The following DOCK2 variants were observed in gnomAD, a reference collection of about 807,000 sequenced individuals.
DOCK2 encodes the protein dedicator of cytokinesis 2, also known as dedicator of cytokinesis protein 2.
Under a neutral mutation model 248.9 loss-of-function variants are expected in DOCK2, and 87 were observed. The observed-to-expected ratio is 0.35, with a 90% confidence interval of 0.29 to 0.42. The LOEUF is 0.42. Ranked by LOEUF, DOCK2 falls within the 10% of genes least tolerant of loss-of-function variation. The probability of loss-of-function intolerance (pLI) is 1.00; values close to 1 mark genes in which losing one functional copy is unlikely to be tolerated. For synonymous variants in DOCK2, 805 were observed against 821.6 expected, an observed-to-expected ratio of 0.98 and a Z score of 0.35; for missense variants, 1,747 against 2,300.2, an observed-to-expected ratio of 0.76 and a Z score of 4.92.
chr5:169,782,268 A>G (rs1054468415), intron 25 of DOCK2, among the ~76,000 whole-genome samples: 1 of 152,136 alleles, frequency 6.6e-6, no homozygotes, highest in East Asian at 1.9e-4. Flanking sequence ...CTTCTAGTTT[A>G]TCAGGAGATA....
intron 32 of DOCK2, among the ~76,000 whole-genome samples, chr5:170,009,730 A>T (rs1034365468): frequency 6.6e-6 from 1 of 152,046 alleles, no homozygotes; most frequent in Non-Finnish European, 1.5e-5. Flanking sequence ...GCCAGTTCCC[A>T]TGGGTTTTTT....
intron 27 of DOCK2, chr5:169,883,978 G>A (rs1428321219): frequency 7.7e-7 from 1 of 1,306,916 alleles, no homozygotes; most frequent in Non-Finnish European, 1.0e-6. Context: ...AGTATCTAAT[G>A]ATAGTATTTC....
intron 1 of DOCK2, among the ~76,000 whole-genome samples, chr5:169,646,480 C>T (rs1757478770): frequency 6.6e-6 from 1 of 152,146 alleles, no homozygotes; most frequent in Non-Finnish European, 1.5e-5. Context: ...GGAAGTTGCC[C>T]CTTTTCACCT....
Position 169,741,870 on chromosome 5 carries a change from T to C in DOCK2, c.2268-5526T>C, listed in dbSNP as rs192946184. Among the ~76,000 whole-genome samples the C allele has an allele frequency of 4.0e-3, 582 of 145,970 alleles. 3 individuals are homozygous for C. The highest frequency in any genetic ancestry group is 0.012 in the African/African-American group (491 of 39,458). On this transcript the variant is annotated intron_variant, in intron 22 of 51. Coordinates refer to ENST00000520908, the MANE Select transcript of DOCK2 (RefSeq NM_004946.3). Reference sequence around the variant, plus strand: ...TGTCTCCCAGGCTGGAGTGCAGTGGTGCGATCTCAGCTTACCGCAAGCTCT... The same window carrying C: ...TGTCTCCCAGGCTGGAGTGCAGTGGCGCGATCTCAGCTTACCGCAAGCTCT...
At chr5:169,747,573 A>C in intron 23 of DOCK2, 69 bp downstream of exon 23, 1 of 1,372,040 alleles carries the variant, frequency 7.3e-7, no homozygotes, top group Non-Finnish European at 1.0e-6. Flanking sequence ...TGCTAAGATA[A>C]TATCTTCTTT....
intron 13 of DOCK2, among the ~76,000 whole-genome samples, chr5:169,701,547 A>G (rs1289048838): frequency 2.7e-5 from 4 of 148,592 alleles, no homozygotes; most frequent in Non-Finnish European, 5.9e-5. Context: ...TAGCTCTGTT[A>G]CTTAGGCTGG....
chr5:170,056,955 C>G (rs1409251531), intron 43 of DOCK2, 187 bp downstream of exon 43: 1 of 592,192 alleles, frequency 1.7e-6, no homozygotes, highest in Non-Finnish European at 3.0e-6. Flanking sequence ...ATTTCTTGAG[C>G]CTTTTTCCCC....
chr5:169,796,187 G>T (rs1766643815), intron 25 of DOCK2, among the ~76,000 whole-genome samples: 1 of 152,178 alleles, frequency 6.6e-6, no homozygotes, highest in Admixed American at 6.5e-5. Flanking sequence ...AACACTAAGA[G>T]AGGGGCTAGA....
intron 25 of DOCK2, among the ~76,000 whole-genome samples, chr5:169,791,920 A>G (rs1766360345): frequency 6.6e-6 from 1 of 152,196 alleles, no homozygotes; most frequent in African/African-American, 2.4e-5. Flanking sequence ...TCCCTTTAAA[A>G]AAATATGTTA....
In DOCK2 at chr5:169,775,076, T is replaced by C. The variant is rs370583826; in HGVS notation, c.2554+13451T>C. Among the ~76,000 whole-genome samples the C allele has an allele frequency of 3.2e-4, 48 of 152,158 alleles. 1 individual carries two copies. Among genetic ancestry groups the C allele is most frequent in the African/African-American group, 1.1e-3 (44 of 41,516 alleles). ...GGCATGAGCCACCATGCCTGGCTAATTTTTTGTATTTCTAGTGGAGACAGT... is the reference window on the plus strand; with the variant it reads ...GGCATGAGCCACCATGCCTGGCTAACTTTTTGTATTTCTAGTGGAGACAGT... On this transcript the variant is annotated intron_variant, in intron 25 of 51. Coordinates refer to ENST00000520908, the MANE Select transcript of DOCK2 (RefSeq NM_004946.3).
chr5:169,841,187 C>T (rs261625), intron 27 of DOCK2, among the ~76,000 whole-genome samples: 91,966 of 151,954 alleles, frequency 0.61, 29,422 homozygotes, highest in African/African-American at 0.85. Context: ...CACTAGGAAC[C>T]TTTTCCTCTG....
chr5:169,794,521 T>TA (rs1766531900), intron 25 of DOCK2, among the ~76,000 whole-genome samples: 2 of 152,246 alleles, frequency 1.3e-5, no homozygotes, highest in South Asian at 2.1e-4. Context: ...TATTTAAACA[T>TA]ACATGTTTAA....
chr5:169,853,898 C>G (rs1312970248), intron 27 of DOCK2, among the ~76,000 whole-genome samples: 2 of 113,442 alleles, frequency 1.8e-5, no homozygotes, highest in Non-Finnish European at 3.4e-5. Context: ...TGCAGTGGTG[C>G]AATCTCGGCT....
intron 9 of DOCK2, 111 bp downstream of exon 9, chr5:169,689,444 TG>T: frequency 9.1e-7 from 1 of 1,098,666 alleles, no homozygotes; most frequent in Non-Finnish European, 1.3e-6. Flanking sequence ...TGCAGAGCTG[TG>T]TTGTGGGCTC....
At chr5:170,059,504 C>T (rs1379137100) in intron 44 of DOCK2, among the ~76,000 whole-genome samples, 1 of 152,148 alleles carries the variant, frequency 6.6e-6, no homozygotes, top group Non-Finnish European at 1.5e-5. Flanking sequence ...CCTGTACTTC[C>T]CATTCCCTCA....
At chr5:169,762,615 C>A (rs1157258459) in intron 25 of DOCK2, among the ~76,000 whole-genome samples, 2 of 152,180 alleles carry the variant, frequency 1.3e-5, no homozygotes, top group African/African-American at 4.8e-5. Context: ...TGGATCATGC[C>A]TTTTGCTCCA....
intron 29 of DOCK2, among the ~76,000 whole-genome samples, chr5:169,989,009 C>T (rs538202940): frequency 7.2e-5 from 11 of 152,318 alleles, no homozygotes; most frequent in African/African-American, 2.6e-4. Context: ...ACTAACTTTT[C>T]TTCCTTCCTT....
At chr5:169,867,830 TC>T (rs1328901869) in intron 27 of DOCK2, among the ~76,000 whole-genome samples, 2 of 152,110 alleles carry the variant, frequency 1.3e-5, no homozygotes, top group Admixed American at 6.6e-5. Flanking sequence ...TATACTTCAT[TC>T]TCCCCAGTGG....
intron 33 of DOCK2, 115 bp from the exon 34 acceptor site, chr5:170,027,748 C>A: frequency 1.0e-6 from 1 of 957,824 alleles, no homozygotes; most frequent in Non-Finnish European, 1.6e-6. Flanking sequence ...GATCCCAGCA[C>A]TCAACCTGGG....
Sources: allele counts gnomAD v4.1 joint callset (sites outside exome capture counted in the v4.1 genomes callset), GRCh38; gene constraint gnomAD v4.1.1; transcripts MANE v1.5; gene names NCBI Gene and HGNC (gene_info 2026-07-23, HGNC 2026-07-21).